GNA14: variants seen among roughly 807,000 people sequenced by gnomAD.
GNA14 encodes the protein guanine nucleotide-binding protein subunit alpha-14.
In GNA14, 50 loss-of-function variants were observed where a neutral mutation model predicts 42.0. That is an observed-to-expected ratio of 1.19 (90% CI 0.95 to 1.51). The LOEUF is 1.51. Among genes scored for constraint, GNA14 ranks in the 40% most tolerant of loss-of-function variants. The probability of loss-of-function intolerance (pLI) is 0.00; values close to 1 mark genes in which losing one functional copy is unlikely to be tolerated. For synonymous variants in GNA14, 173 were observed against 163.1 expected (o/e 1.06, Z -0.46); for missense variants, 473 against 446.2 (o/e 1.06, Z -0.54).
intron 2 of GNA14, among the ~76,000 whole-genome samples, chr9:77,464,391 G>C (rs187125623): frequency 7.1e-6 from 1 of 141,778 alleles, no homozygotes; most frequent in African/African-American, 2.6e-5. Flanking sequence ...GTGTGTGTGT[G>C]TTTAAATGTG....
intron 1 of GNA14, among the ~76,000 whole-genome samples, chr9:77,587,106 G>A (rs1823317583): frequency 9.4e-6 from 1 of 106,006 alleles, no homozygotes; most frequent in Non-Finnish European, 1.9e-5. Flanking sequence ...GTTATCATTT[G>A]GATAGCTATA....
chr9:77,464,162 G>A (rs569642969), intron 2 of GNA14, among the ~76,000 whole-genome samples: 4 of 152,018 alleles, frequency 2.6e-5, no homozygotes, highest in South Asian at 4.2e-4. Flanking sequence ...CACCAAGTCC[G>A]GCTAATTTTT....
chr9:77,530,790 G>A (rs114248303), intron 1 of GNA14, among the ~76,000 whole-genome samples: 1 of 152,224 alleles, frequency 6.6e-6, no homozygotes, highest in Non-Finnish European at 1.5e-5. Context: ...AGAACCCCCA[G>A]ATGGGGGAGT....
chr9:77,434,631 A>C, intron 2 of GNA14, 109 bp from the exon 3 acceptor site: 5 of 942,298 alleles, frequency 5.3e-6, no homozygotes, highest in Non-Finnish European at 4.8e-6. Flanking sequence ...AGCTCTCACT[A>C]GGCATGGGGC....
In GNA14 at chr9:77,445,877, C is replaced by T. The variant is rs543239197; in HGVS notation, c.310-11355G>A. Among the ~76,000 whole-genome samples, 135 of 152,342 alleles carry T rather than the reference C, an allele frequency of 8.9e-4. 1 individual carries two copies. The highest frequency in any genetic ancestry group is 2.8e-3 in the African/African-American group (116 of 41,570). On this transcript the variant is annotated intron_variant, in intron 2 of 6. Coordinates refer to ENST00000341700, the MANE Select transcript of GNA14 (RefSeq NM_004297.4). ...CTGTCTTGTTCCTTCCCTTCCTCCTCTAGTTGACAGAGTTCTCTTAGTTCT... is the reference window on the plus strand; with the variant it reads ...CTGTCTTGTTCCTTCCCTTCCTCCTTTAGTTGACAGAGTTCTCTTAGTTCT...
At chr9:77,527,059 G>A (rs191452021) in intron 2 of GNA14, among the ~76,000 whole-genome samples, 148 of 152,262 alleles carry the variant, frequency 9.7e-4, no homozygotes, top group African/African-American at 3.4e-3. Context: ...TCCTCAGTGG[G>A]TCTGTTTACA....
chr9:77,459,182 G>A (rs1191059286), intron 2 of GNA14, among the ~76,000 whole-genome samples: 4 of 152,056 alleles, frequency 2.6e-5, no homozygotes, highest in Non-Finnish European at 5.9e-5. Flanking sequence ...GTTGCAGTGA[G>A]CTGAGATCAC....
chr9:77,441,730 A>T (rs1002265492), intron 2 of GNA14, among the ~76,000 whole-genome samples: 5 of 152,152 alleles, frequency 3.3e-5, no homozygotes, highest in African/African-American at 1.2e-4. Context: ...ATTAAATATG[A>T]GAACTCTTTG....
intron 1 of GNA14, among the ~76,000 whole-genome samples, chr9:77,556,306 A>T (rs1380136253): frequency 6.6e-6 from 1 of 152,154 alleles, no homozygotes; most frequent in Non-Finnish European, 1.5e-5. Flanking sequence ...AAAGATATGG[A>T]GAGTGAATTC....
intron 1 of GNA14, among the ~76,000 whole-genome samples, chr9:77,607,895 T>G (rs979139015): frequency 6.6e-6 from 1 of 152,150 alleles, no homozygotes; most frequent in Non-Finnish European, 1.5e-5. Context: ...CTGACCTCAC[T>G]TAACCCTAAT....
chr9:77,521,298 C>G (rs1837351278), intron 2 of GNA14, among the ~76,000 whole-genome samples: 1 of 152,148 alleles, frequency 6.6e-6, no homozygotes, highest in Non-Finnish European at 1.5e-5. Flanking sequence ...CAACCTTGGG[C>G]TACGGCCAAA....
intron 2 of GNA14, among the ~76,000 whole-genome samples, chr9:77,517,223 T>C (rs535111560): frequency 6.6e-6 from 1 of 152,302 alleles, no homozygotes; most frequent in South Asian, 2.1e-4. Context: ...TAGATGCTTG[T>C]TCTTATGGTG....
chr9:77,474,753 A>G (rs1281259867), intron 2 of GNA14, among the ~76,000 whole-genome samples: 1 of 152,192 alleles, frequency 6.6e-6, no homozygotes, highest in African/African-American at 2.4e-5. Flanking sequence ...CACAATACCC[A>G]TACTGATGTA....
Position 77,647,829 on chromosome 9 carries a change from GC to G in GNA14, c.-37del. On this transcript the variant is annotated 5_prime_UTR_variant, in exon 1 of 7. Transcript: ENST00000341700. ...GCTCAGTACCCGACGGGGCGACGCG[GC>G]CCCGGGCACCCGAATCCTCGGCCCG... 6.3e-7 allele frequency: 1 copy of G among 1,590,762 alleles called. No homozygotes were observed.
intron 2 of GNA14, among the ~76,000 whole-genome samples, chr9:77,509,618 A>C (rs1403160385): frequency 6.6e-6 from 1 of 152,248 alleles, no homozygotes; most frequent in Non-Finnish European, 1.5e-5. Context: ...TATGTAATAG[A>C]TCTTACTGGC....
In GNA14 at chr9:77,586,160, G is replaced by C. The variant is rs117679478; in HGVS notation, c.125-56907C>G. The stretch of plus-strand genomic sequence containing the variant: ...CTTACCCCTGGCATCCAGAACCCCA[G>C]AGCATCCTTCCCACAAATTGGTTAT... On this transcript the variant is annotated intron_variant, in intron 1 of 6. Transcript: ENST00000341700. Among the ~76,000 whole-genome samples the C allele has an allele frequency of 4.0e-4, 61 of 152,204 alleles. No individual in the cohort carries two copies. In the East Asian group the frequency reaches 9.9e-3, roughly 25 times the overall value.
chr9:77,477,282 G>A (rs989985691), intron 2 of GNA14, among the ~76,000 whole-genome samples: 2 of 152,200 alleles, frequency 1.3e-5, no homozygotes, highest in African/African-American at 4.8e-5. Context: ...AGAAGGCAGA[G>A]GTTGCAGTGA....
chr9:77,593,085 C>T (rs1823414548), intron 1 of GNA14, among the ~76,000 whole-genome samples: 1 of 152,110 alleles, frequency 6.6e-6, no homozygotes, highest in Non-Finnish European at 1.5e-5. Context: ...CTTATAATAG[C>T]CTAATGCTCA....
At chr9:77,440,258 C>T (rs1835710085) in intron 2 of GNA14, among the ~76,000 whole-genome samples, 1 of 152,258 alleles carries the variant, frequency 6.6e-6, no homozygotes, top group Non-Finnish European at 1.5e-5. Flanking sequence ...AAAGGAGCTG[C>T]TGATGAAGTG....
Sources: gnomAD v4.1 joint callset for allele counts (sites outside exome capture counted in the v4.1 genomes callset) on GRCh38, gnomAD v4.1.1 for gene constraint, MANE v1.5 for transcripts, NCBI Gene and HGNC (gene_info 2026-07-23, HGNC 2026-07-21) for gene names.